The following PREX1 variants were observed in gnomAD, a reference collection of about 807,000 sequenced individuals.
PREX1 encodes the protein phosphatidylinositol-3,4,5-trisphosphate dependent Rac exchange factor 1, also known as phosphatidylinositol 3,4,5-trisphosphate-dependent Rac exchanger 1 protein.
A neutral mutation model predicts 198.3 loss-of-function variants in PREX1; 41 were observed. The ratio of observed to expected loss-of-function variants is 0.21; its 90% CI spans 0.16 to 0.27. The LOEUF is 0.27. Among genes scored for constraint, PREX1 ranks in the 10% least tolerant of loss-of-function variants. The pLI is 1.00. For missense variants in PREX1, 1,620 were observed against 2,200.7 expected, an observed-to-expected ratio of 0.74 and a Z score of 5.28; for synonymous variants, 843 against 887.2, an observed-to-expected ratio of 0.95 and a Z score of 0.89.
At chr20:48,780,459 C>G (rs755543829) in intron 1 of PREX1, among the ~76,000 whole-genome samples, 11 of 151,766 alleles carry the variant, frequency 7.2e-5, no homozygotes, top group Non-Finnish European at 1.3e-4. Flanking sequence ...TCTACCATCT[C>G]TACAAAATAA....
Position 48,745,155 on chromosome 20 carries a change from GA to G in PREX1, c.292-9del, listed in dbSNP as rs762158269. On this transcript the variant is annotated splice_polypyrimidine_tract_variant and intron_variant, in intron 2 of 39. Transcript: ENST00000371941. ...GATGTTCGAGAACAGGACCTGTGAG[GA>G]AAAGAGAGGCCAGAGGACAGCGTTA... The G allele has an allele frequency of 1.9e-6, 3 of 1,612,730 alleles. No homozygotes were observed. Among genetic ancestry groups the G allele is most frequent in the Non-Finnish European group, 2.5e-6 (3 of 1,178,908 alleles).
intron 13 of PREX1, 92 bp from the exon 14 acceptor site, chr20:48,676,360 G>T: frequency 8.4e-7 from 1 of 1,188,936 alleles, no homozygotes; most frequent in South Asian, 1.2e-5. Flanking sequence ...GTGCCCACGA[G>T]TCAAGGATCT....
chr20:48,882,091 A>G, the PREX1 span, among the ~76,000 whole-genome samples: 2 of 152,272 alleles, frequency 1.3e-5, no homozygotes, highest in South Asian at 2.1e-4. Context: ...AGTTCTTTAT[A>G]ACTTTTTACA....
At chr20:48,804,976 G>A (rs115140178) in intron 1 of PREX1, among the ~76,000 whole-genome samples, 438 of 152,340 alleles carry the variant, frequency 2.9e-3, no homozygotes, top group African/African-American at 9.4e-3. Context: ...GGTCGGGACA[G>A]AGGTCAGGGC....
chr20:48,792,817 T>TAC (rs372512250), intron 1 of PREX1, among the ~76,000 whole-genome samples: 29,927 of 113,364 alleles, frequency 0.26, 4,220 homozygotes, highest in African/African-American at 0.41. Flanking sequence ...AAAAAAAAAA[T>TAC]ACACACACAC....
chr20:48,852,874 A>G, the PREX1 span, among the ~76,000 whole-genome samples: 1 of 152,260 alleles, frequency 6.6e-6, no homozygotes, highest in Non-Finnish European at 1.5e-5. Flanking sequence ...AGGTACTGGT[A>G]TGGAATGAAC....
intron 6 of PREX1, among the ~76,000 whole-genome samples, chr20:48,703,948 G>A (rs1027523825): frequency 7.2e-5 from 11 of 152,312 alleles, no homozygotes; most frequent in African/African-American, 2.6e-4. Flanking sequence ...CAAGACATGT[G>A]GACCAGTCAG....
At chr20:48,667,330 T>C (rs2089647015) in intron 14 of PREX1, among the ~76,000 whole-genome samples, 1 of 152,148 alleles carries the variant, frequency 6.6e-6, no homozygotes, top group African/African-American at 2.4e-5. Context: ...ATACTAGAAA[T>C]CAAGTTCAAT....
intron 10 of PREX1, among the ~76,000 whole-genome samples, chr20:48,686,118 G>A (rs2089782911): frequency 6.6e-6 from 1 of 152,110 alleles, no homozygotes; most frequent in Admixed American, 6.5e-5. Context: ...TTTAAAATGG[G>A]GGTAGTGGCA....
rs542269451 is a variant in PREX1 at position 48,764,583 on chromosome 20, G to A, written c.220-16703C>T. Among the ~76,000 whole-genome samples the A allele has an allele frequency of 2.1e-3, 322 of 152,172 alleles. 1 individual carries two copies. Among genetic ancestry groups the A allele is most frequent in the Non-Finnish European group, 3.9e-3 (267 of 67,994 alleles). ...GGATCACTTGAGGTCAGGATTTTGAGACCAGCCTGGCCAACATACCAAAAC... is the reference window on the plus strand; with the variant it reads ...GGATCACTTGAGGTCAGGATTTTGAAACCAGCCTGGCCAACATACCAAAAC... On this transcript the variant is annotated intron_variant, in intron 1 of 39. Transcript: ENST00000371941.
intron 10 of PREX1, among the ~76,000 whole-genome samples, chr20:48,686,730 G>A (rs1007786684): frequency 6.6e-6 from 1 of 152,228 alleles, no homozygotes; most frequent in Non-Finnish European, 1.5e-5. Flanking sequence ...TGGAGTTCCT[G>A]ATCTTTGAGG....
In PREX1 at chr20:48,701,030, G is replaced by A. The variant is rs928507925; in HGVS notation, c.784-144C>T. 3.8e-5 allele frequency: 42 copies of A among 1,112,592 alleles called. No individual in the cohort carries two copies. The Admixed American group carries it at 5.4e-4, about 14-fold the overall frequency. The allele number at this position is 1,112,592 out of a possible 1,614,324, so 68.9% of individuals were successfully genotyped here. On this transcript the variant is annotated intron_variant, in intron 6 of 39. Coordinates refer to ENST00000371941, the MANE Select transcript of PREX1 (RefSeq NM_020820.4). ...TCAATGGACAGAAAATCAACACAAC[G>A]TGATTAGTGGCTTCTATCTGCTGAG...
intron 1 of PREX1, among the ~76,000 whole-genome samples, chr20:48,796,857 A>G (rs1297904862): frequency 1.3e-5 from 2 of 151,852 alleles, no homozygotes; most frequent in Non-Finnish European, 2.9e-5. Flanking sequence ...AAAAGATCAT[A>G]TACTATATAA....
At chr20:48,768,486 T>C (rs1376798488) in intron 1 of PREX1, among the ~76,000 whole-genome samples, 1 of 152,116 alleles carries the variant, frequency 6.6e-6, no homozygotes, top group East Asian at 1.9e-4. Context: ...CCTTCTTTGA[T>C]GACAGAGGTT....
chr20:48,883,902 G>A, the PREX1 span, among the ~76,000 whole-genome samples: 23 of 152,116 alleles, frequency 1.5e-4, 1 homozygote, highest in South Asian at 2.3e-3. Context: ...GCACTTTGGG[G>A]GGCTGAGGTG....
At chr20:48,852,463 T>A in the PREX1 span, among the ~76,000 whole-genome samples, 3 of 152,240 alleles carry the variant, frequency 2.0e-5, no homozygotes, top group East Asian at 5.8e-4. Context: ...TAAATGCACC[T>A]ATCTCTTGAC....
chr20:48,691,768 C>T lies in PREX1; in HGVS notation c.1037-672G>A, dbSNP rs1164265987. ...GAATGGATGAAGTGTGAAATGTTCA[C>T]GTGACGGAACACTCTGCAGCAATGG... is the stretch of plus-strand genomic sequence containing the variant. On this transcript the variant is annotated intron_variant, in intron 8 of 39. Coordinates refer to ENST00000371941, the MANE Select transcript of PREX1 (RefSeq NM_020820.4). The surrounding 1 kb of genome is among the most constrained non-coding windows in gnomAD (Gnocchi z 5.0). Among the ~76,000 whole-genome samples, 59 of 152,194 alleles carry T rather than the reference C, an allele frequency of 3.9e-4. No individual in the cohort carries two copies. The highest frequency in any genetic ancestry group is 3.9e-3 in the Admixed American group (59 of 15,280).
rs188026111 is a variant in PREX1, at chr20:48,704,818, A to G, written c.783+3442T>C. On this transcript the variant is annotated intron_variant, in intron 6 of 39. Coordinates refer to ENST00000371941, the MANE Select transcript of PREX1 (RefSeq NM_020820.4). ...TGATCCACCTGCCTCGGCCTCCCAC[A>G]GTGCTAGGATTACAGGTGTGAGCCA... Among the ~76,000 whole-genome samples, 707 of 152,272 alleles carry G rather than the reference A, an allele frequency of 4.6e-3. 4 individuals carry two copies. Among genetic ancestry groups the G allele is most frequent in the African/African-American group, 0.016 (682 of 41,546 alleles).
At position 48,637,752 on chromosome 20, in the gene PREX1, T is replaced by G; in HGVS notation, c.3905A>C (p.Asp1302Ala). Reference sequence around the variant, plus strand: ...GGCCAGGAGCAGCTGGTTCTTCCCATCTGGAAGGAGAAGGGAGACAGAAAG... The same window carrying G: ...GGCCAGGAGCAGCTGGTTCTTCCCAGCTGGAAGGAGAAGGGAGACAGAAAG... ...LVDNIQRYVE[D>A]GKNQLLLALL... The change falls in exon 31 of 40, where the codon GAT becomes GCT. Residue 1302 changes from aspartate to alanine, a missense_variant and splice_region_variant. Physicochemically the swap from Asp to Ala is moderately radical, Grantham distance 126. Transcript: ENST00000371941. 6.2e-7 allele frequency: 1 copy of G among 1,610,170 alleles called. No homozygotes were observed. Among genetic ancestry groups the G allele is most frequent in the South Asian group, 1.1e-5 (1 of 90,508 alleles).
Sources: allele counts gnomAD v4.1 joint callset (sites outside exome capture counted in the v4.1 genomes callset), GRCh38; gene constraint gnomAD v4.1.1; non-coding constraint Gnocchi (gnomAD v3.1); transcripts MANE v1.5; gene names NCBI Gene and HGNC (gene_info 2026-07-23, HGNC 2026-07-21).